CNIH3: variants seen among roughly 807,000 people sequenced by gnomAD.
CNIH3 encodes the protein protein cornichon homolog 3.
In CNIH3, 14 loss-of-function variants were observed where a neutral mutation model predicts 24.1. That is an observed-to-expected ratio of 0.58 (90% CI 0.38 to 0.91). CNIH3 has a LOEUF of 0.91. CNIH3 is among the 40% of genes least tolerant of loss of function. The pLI, the probability that CNIH3 is intolerant of heterozygous loss-of-function variation, is 0.00. For missense variants in CNIH3, 178 were observed against 196.8 expected (o/e 0.90, Z 0.57); for synonymous variants, 68 against 73.8 (o/e 0.92, Z 0.40).
At chr1:224,480,445 C>T (rs576644487) in intron 1 of CNIH3, among the ~76,000 whole-genome samples, 1 of 152,338 alleles carries the variant, frequency 6.6e-6, no homozygotes, top group South Asian at 2.1e-4. Context: ...CAGCCAGCTT[C>T]AATCTGTCCT....
intron 1 of CNIH3, among the ~76,000 whole-genome samples, chr1:224,438,901 A>G (rs1333663029): frequency 6.6e-6 from 1 of 152,248 alleles, no homozygotes; most frequent in African/African-American, 2.4e-5. Flanking sequence ...CTATGTTGAA[A>G]TATTTTAAAA....
intron 3 of CNIH3, among the ~76,000 whole-genome samples, chr1:224,720,389 T>C (rs1304792869): frequency 6.6e-6 from 1 of 152,074 alleles, no homozygotes; most frequent in Non-Finnish European, 1.5e-5. Flanking sequence ...AACATCAGGT[T>C]CTTGTTACAT....
At chr1:224,716,698 G>A (rs945877128) in intron 3 of CNIH3, among the ~76,000 whole-genome samples, 8 of 152,164 alleles carry the variant, frequency 5.3e-5, no homozygotes, top group Non-Finnish European at 1.0e-4. Flanking sequence ...GGAACTGGGA[G>A]GCACTGTGAT....
At chr1:224,469,633 A>G (rs916309209) in intron 1 of CNIH3, among the ~76,000 whole-genome samples, 2 of 152,252 alleles carry the variant, frequency 1.3e-5, no homozygotes, top group South Asian at 2.1e-4. Flanking sequence ...TCAGCCTCCC[A>G]AGTAGCTGGG....
intron 3 of CNIH3, among the ~76,000 whole-genome samples, chr1:224,726,414 A>G (rs1045232068): frequency 6.6e-6 from 1 of 152,230 alleles, no homozygotes; most frequent in African/African-American, 2.4e-5. Flanking sequence ...CCAGGTGGAA[A>G]TGTTTGCCAG....
At chr1:224,617,326 T>C in intron 1 of CNIH3, 71 bp downstream of exon 1, 1 of 1,549,578 alleles carries the variant, frequency 6.5e-7, no homozygotes, top group South Asian at 1.2e-5. Context: ...CACCCCACTT[T>C]TTCCACCTTG....
At chr1:224,568,063 G>A (rs1285038663) in intron 4 of CNIH3, among the ~76,000 whole-genome samples, 3 of 152,012 alleles carry the variant, frequency 2.0e-5, no homozygotes, top group South Asian at 2.1e-4. Context: ...AGGACAAGGC[G>A]GGCGGATCAC....
intron 1 of CNIH3, among the ~76,000 whole-genome samples, chr1:224,469,349 TG>T (rs1676277024): frequency 6.6e-6 from 1 of 152,108 alleles, no homozygotes; most frequent in African/African-American, 2.4e-5. Context: ...CCCAAACTGC[TG>T]GGATTACAGG....
chr1:224,659,520 C>CT (rs1373355238), intron 1 of CNIH3, among the ~76,000 whole-genome samples: 6 of 145,340 alleles, frequency 4.1e-5, no homozygotes, highest in African/African-American at 1.5e-4. Context: ...AAAGCCAAAC[C>CT]TGATGGGAAA....
chr1:224,542,696 G>C (rs904783505), intron 2 of CNIH3, among the ~76,000 whole-genome samples: 5 of 152,168 alleles, frequency 3.3e-5, no homozygotes, highest in Non-Finnish European at 7.3e-5. Flanking sequence ...GAGAGATTAG[G>C]CAGCCCAAAG....
At chr1:224,591,084 A>G (rs998672711), downstream of CNIH3, among the ~76,000 whole-genome samples, 3 of 150,954 alleles carry the variant, frequency 2.0e-5, no homozygotes, top group Non-Finnish European at 4.4e-5. Context: ...CTTTCTAAGT[A>G]TATTTCCAGT....
At chr1:224,579,601 T>G (rs1479609018) in intron 4 of CNIH3, among the ~76,000 whole-genome samples, 1 of 152,206 alleles carries the variant, frequency 6.6e-6, no homozygotes, top group Admixed American at 6.5e-5. Context: ...TGCTGAAATT[T>G]GATCACCAGT....
intron 3 of CNIH3, among the ~76,000 whole-genome samples, chr1:224,711,874 A>G (rs1010572577): frequency 6.6e-6 from 1 of 150,566 alleles, no homozygotes; most frequent in Non-Finnish European, 1.5e-5. Flanking sequence ...TTGCCAATCC[A>G]TTTATCACAA....
At chr1:224,631,051 C>T (rs139951264) in intron 1 of CNIH3, among the ~76,000 whole-genome samples, 14 of 152,114 alleles carry the variant, frequency 9.2e-5, no homozygotes, top group African/African-American at 3.1e-4. Flanking sequence ...CCCAGCTACT[C>T]GGGAGGCTGA....
chr1:224,558,946 T>A lies in CNIH3; in HGVS notation n.451-7253T>A, dbSNP rs138430689. Among the ~76,000 whole-genome samples, 298 of 152,362 alleles carry A rather than the reference T, an allele frequency of 2.0e-3. 3 individuals carry two copies. The highest frequency in any genetic ancestry group is 0.017 in the Admixed American group (262 of 15,312). ...ATTAATAAATGTTAACATCTGCATG[T>A]CGTTTTAATTAAGAAATAAATGTAT... On this transcript the variant is annotated intron_variant and non_coding_transcript_variant, in intron 3 of 5. Coordinates refer to the CNIH3 transcript ENST00000471578.
intron 1 of CNIH3, among the ~76,000 whole-genome samples, chr1:224,486,538 C>T (rs6688125): frequency 0.83 from 126,983 of 152,164 alleles, 53,343 homozygotes; most frequent in East Asian, 0.97. Context: ...AAGTTTTTTT[C>T]CTGTATACAC....
At chr1:224,662,268 T>C (rs540539253) in intron 1 of CNIH3, among the ~76,000 whole-genome samples, 1 of 152,342 alleles carries the variant, frequency 6.6e-6, no homozygotes, top group East Asian at 1.9e-4. Flanking sequence ...GCAGTCTAGA[T>C]TACGTATGAG....
chr1:224,527,944 T>C (rs1044259349), intron 2 of CNIH3, among the ~76,000 whole-genome samples: 1 of 152,208 alleles, frequency 6.6e-6, no homozygotes, highest in Admixed American at 6.5e-5. Flanking sequence ...CGTATCTGTA[T>C]ATGTACACAC....
chr1:224,630,206 C>A (rs915404514), intron 1 of CNIH3, among the ~76,000 whole-genome samples: 1 of 152,128 alleles, frequency 6.6e-6, no homozygotes, highest in Non-Finnish European at 1.5e-5. Flanking sequence ...TTCATTAAAA[C>A]CTTATTTGCA....
Sources: allele counts gnomAD v4.1 joint callset (sites outside exome capture counted in the v4.1 genomes callset), GRCh38; gene constraint gnomAD v4.1.1; transcripts MANE v1.5; gene names NCBI Gene and HGNC (gene_info 2026-07-23, HGNC 2026-07-21).